The following PRMT3 variants were observed in gnomAD, a reference collection of about 807,000 sequenced individuals.
PRMT3 encodes the protein protein arginine methyltransferase 3, also known as protein arginine N-methyltransferase 3.
A neutral mutation model predicts 71.9 loss-of-function variants in PRMT3; 62 were observed. The observed-to-expected ratio is 0.86, with a 90% confidence interval of 0.70 to 1.07. The LOEUF (loss-of-function observed/expected upper bound fraction) is 1.07, where lower values mean the gene tolerates loss of function less well. PRMT3 is among the 50% of genes least tolerant of loss of function. The pLI is 0.00. For synonymous variants in PRMT3, 213 were observed against 220.4 expected (o/e 0.97, Z 0.30); for missense variants, 663 against 643.0 (o/e 1.03, Z -0.34).
At position 20,388,093 on chromosome 11, in the gene PRMT3, G is replaced by A. The variant is rs1848636704; in HGVS notation, c.103G>A (p.Asp35Asn). 6.2e-7 allele frequency: 1 copy of A among 1,613,952 alleles called. No homozygotes were observed. Among genetic ancestry groups the A allele is most frequent in the South Asian group, 1.1e-5 (1 of 91,092 alleles). Residue 35 changes from aspartate to asparagine, a missense_variant, in exon 2 of 16, where the codon GAT becomes AAT. By Grantham distance (23) the Asp-to-Asn change is conservative. Transcript: ENST00000331079. ...CAGCGGGGACGAGGCCGCCTGGGAGGATGAGGACGATGCAGATCTCCCCCA... is the reference window on the plus strand; with the variant it reads ...CAGCGGGGACGAGGCCGCCTGGGAGAATGAGGACGATGCAGATCTCCCCCA... ...SDSGDEAAWE[D>N]EDDADLPHGK...
chr11:20,502,527 T>G (rs1851482132), intron 15 of PRMT3, among the ~76,000 whole-genome samples: 1 of 152,202 alleles, frequency 6.6e-6, no homozygotes, highest in Admixed American at 6.5e-5. Flanking sequence ...TGCTTAGCAT[T>G]TTTTCTTTTG....
At chr11:20,420,824 A>G (rs1012732178) in intron 9 of PRMT3, among the ~76,000 whole-genome samples, 1 of 152,228 alleles carries the variant, frequency 6.6e-6, no homozygotes, top group African/African-American at 2.4e-5. Flanking sequence ...GATACCTTTC[A>G]TCACCTCTTC....
At chr11:20,500,275 A>G (rs74233019) in intron 15 of PRMT3, among the ~76,000 whole-genome samples, 1 of 152,198 alleles carries the variant, frequency 6.6e-6, no homozygotes, top group East Asian at 1.9e-4. Context: ...TAAATAATGG[A>G]GAGATATACT....
chr11:20,459,520 C>G (rs573397000), intron 11 of PRMT3, among the ~76,000 whole-genome samples: 1 of 152,254 alleles, frequency 6.6e-6, no homozygotes, highest in South Asian at 2.1e-4. Context: ...ATGCTGCTTT[C>G]ACACCAATAG....
chr11:20,445,352 C>T (rs949484641), intron 10 of PRMT3, among the ~76,000 whole-genome samples: 1 of 152,040 alleles, frequency 6.6e-6, no homozygotes, highest in Non-Finnish European at 1.5e-5. Context: ...GAGTTAGTCT[C>T]CTTCCCTTCC....
chr11:20,439,695 G>A (rs377010013), intron 10 of PRMT3, among the ~76,000 whole-genome samples: 1 of 152,176 alleles, frequency 6.6e-6, no homozygotes, highest in South Asian at 2.1e-4. Flanking sequence ...GGAAGACATT[G>A]TAAAGATGTC....
At chr11:20,455,558 CTT>C (rs1206292599) in intron 11 of PRMT3, among the ~76,000 whole-genome samples, 2 of 152,088 alleles carry the variant, frequency 1.3e-5, no homozygotes, top group East Asian at 1.9e-4. Flanking sequence ...AGAAAAGAGA[CTT>C]TTAAAATCAG....
chr11:20,464,448 TTTA>T lies in PRMT3; in HGVS notation c.1261-11_1261-9del, dbSNP rs1850459431. The T allele has an allele frequency of 6.3e-7, 1 of 1,580,970 alleles. No individual in the cohort carries two copies. The highest frequency in any genetic ancestry group is 1.4e-5 in the African/African-American group (1 of 72,634). ...TTACTAAGCTCTTTCTTCACTTCTT[TTTA>T]ATGGGTAGCATATAGATTGCCATAC... On this transcript the variant is annotated splice_polypyrimidine_tract_variant and intron_variant, in intron 12 of 15. Transcript: ENST00000331079.
intron 3 of PRMT3, among the ~76,000 whole-genome samples, chr11:20,391,275 C>T (rs1223496806): frequency 1.3e-5 from 2 of 151,612 alleles, no homozygotes; most frequent in East Asian, 1.9e-4. Flanking sequence ...GACGGAGTCT[C>T]GCTCTTGTTG....
rs1848732628 is a variant in PRMT3, at chr11:20,392,328, A to G, written c.297+68A>G. On this transcript the variant is annotated intron_variant, in intron 4 of 15. Transcript: ENST00000331079. ...GAAATGCTACAGTGACTGTCAGTGTACTGATTATTTAAAAGAATATGAGGA... is the reference window on the plus strand; with the variant it reads ...GAAATGCTACAGTGACTGTCAGTGTGCTGATTATTTAAAAGAATATGAGGA... The G allele has an allele frequency of 2.8e-6, 4 of 1,441,454 alleles. No homozygotes were observed. The Admixed American group carries it at 7.3e-5, about 26-fold the overall frequency. 89.3% of individuals were successfully genotyped at this position (1,441,454 alleles called of 1,614,324 possible).
At chr11:20,474,636 T>C (rs1220506412) in intron 13 of PRMT3, among the ~76,000 whole-genome samples, 4 of 152,230 alleles carry the variant, frequency 2.6e-5, no homozygotes, top group Admixed American at 2.0e-4. Flanking sequence ...TGTGGTTTCC[T>C]GGGCAGGATC....
At chr11:20,493,146 C>A (rs1318359878) in intron 13 of PRMT3, among the ~76,000 whole-genome samples, 2 of 144,296 alleles carry the variant, frequency 1.4e-5, no homozygotes, top group African/African-American at 5.0e-5. Context: ...AAAAAAAAAT[C>A]TTTTTGTACT....
At chr11:20,485,360 A>G (rs1384399172) in intron 13 of PRMT3, among the ~76,000 whole-genome samples, 1 of 152,238 alleles carries the variant, frequency 6.6e-6, no homozygotes, top group East Asian at 1.9e-4. Context: ...ACATGAATCA[A>G]GAACCAGTTG....
In PRMT3 at chr11:20,462,081, T is replaced by A. The variant is rs770231157; in HGVS notation, c.1174T>A (p.Ser392Thr). Reference sequence around the variant, plus strand: ...GGATGATGTCTATGGCTTCAAGATGTCCTGCATGAAGAAAGCAGTTATTCC... The same window carrying A: ...GGATGATGTCTATGGCTTCAAGATGACCTGCATGAAGAAAGCAGTTATTCC... ...FWDDVYGFKM[S>T]CMKKAVIPEA... is the part of the protein sequence containing the mutation. The change falls in exon 12 of 16, where the codon TCC (serine) becomes ACC (threonine). Residue 392 changes from serine to threonine, a missense_variant. Physicochemically the swap from Ser to Thr is moderately conservative, Grantham distance 58. Transcript: ENST00000331079. 1 of 1,613,384 alleles carries A rather than the reference T, an allele frequency of 6.2e-7. No homozygotes were observed. The highest frequency in any genetic ancestry group is 8.5e-7 in the Non-Finnish European group (1 of 1,179,488).
chr11:20,433,031 CTT>C (rs1849687213), intron 10 of PRMT3, among the ~76,000 whole-genome samples: 1 of 151,890 alleles, frequency 6.6e-6, no homozygotes, highest in Non-Finnish European at 1.5e-5. Flanking sequence ...TGTGCAGAAA[CTT>C]TATTTACTTT....
intron 8 of PRMT3, 71 bp downstream of exon 8, chr11:20,403,055 A>C: frequency 5.4e-6 from 6 of 1,105,264 alleles, no homozygotes; most frequent in Non-Finnish European, 8.2e-6. Flanking sequence ...CTCTTGGCTC[A>C]TCATTGTGAT....
intron 8 of PRMT3, among the ~76,000 whole-genome samples, chr11:20,405,063 G>A (rs1338043980): frequency 2.0e-5 from 3 of 152,026 alleles, no homozygotes; most frequent in African/African-American, 4.8e-5. Flanking sequence ...TATTAAAAAT[G>A]TTTTCTTTCC....
chr11:20,466,132 C>CT (rs1209455072), intron 13 of PRMT3, among the ~76,000 whole-genome samples: 1 of 152,098 alleles, frequency 6.6e-6, no homozygotes, highest in Non-Finnish European at 1.5e-5. Context: ...TTGAAATGTT[C>CT]TTTTTTTCTA....
At chr11:20,433,549 A>G (rs898986736) in intron 10 of PRMT3, among the ~76,000 whole-genome samples, 4 of 152,108 alleles carry the variant, frequency 2.6e-5, no homozygotes, top group African/African-American at 9.7e-5. Context: ...TCTTTATGGT[A>G]GAATGATTTT....
Sources: gnomAD v4.1 joint callset for allele counts (sites outside exome capture counted in the v4.1 genomes callset) on GRCh38, gnomAD v4.1.1 for gene constraint, MANE v1.5 for transcripts, NCBI Gene and HGNC (gene_info 2026-07-23, HGNC 2026-07-21) for gene names.